The following DMD variants were observed in gnomAD, a reference collection of about 807,000 sequenced individuals.
DMD encodes dystrophin.
In DMD, 63 loss-of-function variants were observed where a neutral mutation model predicts 330.1. The ratio of observed to expected loss-of-function variants is 0.19; its 90% CI spans 0.16 to 0.24. The LOEUF is 0.24. Ranked by LOEUF, DMD falls within the 10% of genes least tolerant of loss-of-function variation. The pLI, the probability that DMD is intolerant of heterozygous loss-of-function variation, is 1.00. For synonymous variants in DMD, 1,223 were observed against 959.8 expected (o/e 1.27, Z -5.07); for missense variants, 3,344 against 2,684.1 (o/e 1.25, Z -5.43).
At chrX:33,064,153 TAAC>T (rs2094615826) in intron 1 of DMD, among the ~76,000 whole-genome samples, 1 of 111,344 alleles carries the variant, frequency 9.0e-6, no homozygotes, top group African/African-American at 3.3e-5. Context: ...CCTGGTGTAA[TAAC>T]AATCCGTTCA....
intron 9 of DMD, among the ~76,000 whole-genome samples, chrX:32,653,735 A>C (rs1328607400): frequency 1.8e-5 from 2 of 111,735 alleles, no homozygotes; most frequent in Admixed American, 9.5e-5. Context: ...TTGAATCTAT[A>C]AATTACCTTG....
intron 12 of DMD, among the ~76,000 whole-genome samples, chrX:32,607,887 G>A (rs761620443): frequency 1.8e-5 from 2 of 110,325 alleles, no homozygotes; most frequent in Admixed American, 9.7e-5. Context: ...CATTTTACAT[G>A]AGACTAACTC....
intron 44 of DMD, among the ~76,000 whole-genome samples, chrX:32,180,774 C>T (rs750975363): frequency 9.0e-6 from 1 of 111,259 alleles, no homozygotes; most frequent in Non-Finnish European, 1.9e-5. Flanking sequence ...AAGAAGTGCC[C>T]AGTGAAGCAG....
chrX:32,730,869 T>G (rs1051009818), intron 7 of DMD, among the ~76,000 whole-genome samples: 3 of 111,731 alleles, frequency 2.7e-5, no homozygotes, highest in Non-Finnish European at 5.6e-5. Context: ...AAATTAAAAC[T>G]TGAAATATTG....
At chrX:32,333,156 ATGTT>A (rs1401428803) in intron 41 of DMD, among the ~76,000 whole-genome samples, 2 of 111,625 alleles carry the variant, frequency 1.8e-5, no homozygotes, top group Non-Finnish European at 1.9e-5. Context: ...TACACGGTAA[ATGTT>A]TATTTAAGAC....
In DMD at chrX:31,786,080, G is replaced by A. The variant is rs956534450; in HGVS notation, c.7310-11888C>T. Among the ~76,000 whole-genome samples the A allele has an allele frequency of 3.6e-5, 4 of 111,899 alleles. No individual in the cohort carries two copies. In the East Asian group the frequency reaches 8.5e-4, roughly 24 times the overall value. ...ACACTCCCACCAACAGTGTAAAAGC[G>A]TTCCTATTTCTCCACATCCTCTCCA... On this transcript the variant is annotated intron_variant, in intron 50 of 78. Coordinates refer to ENST00000357033, the MANE Select transcript of DMD (RefSeq NM_004006.3).
intron 7 of DMD, among the ~76,000 whole-genome samples, chrX:32,794,177 C>G (rs1466034895): frequency 9.0e-6 from 1 of 111,717 alleles, no homozygotes; most frequent in African/African-American, 3.3e-5. Context: ...AACATCCCTT[C>G]GAGATAAAAA....
At chrX:31,890,079 T>C (rs1372022017) in intron 47 of DMD, among the ~76,000 whole-genome samples, 9 of 109,095 alleles carry the variant, frequency 8.2e-5, no homozygotes, top group African/African-American at 3.0e-4. Flanking sequence ...CTTAATAGAA[T>C]TTAAAAAAAA....
In DMD at chrX:32,196,175, AAAT is replaced by A. The variant is rs373404796; in HGVS notation, c.6438+20738_6438+20740del. ...GCTCATTTCCAGTCCTAAACAATAT[AAAT>A]TATAGCCAAGTATGGCATTTAGCCA... On this transcript the variant is annotated intron_variant, in intron 44 of 78. Transcript: ENST00000357033. Among the ~76,000 whole-genome samples the A allele has an allele frequency of 5.2e-3, 583 of 112,746 alleles. 8 individuals carry two copies. Among genetic ancestry groups the A allele is most frequent in the African/African-American group, 0.018 (560 of 31,079 alleles).
intron 43 of DMD, among the ~76,000 whole-genome samples, chrX:32,285,123 G>A (rs927889887): frequency 8.9e-6 from 1 of 112,360 alleles, no homozygotes; most frequent in African/African-American, 3.2e-5. Context: ...AGCAGAAAGC[G>A]TTATTTCTAC....
chrX:31,604,071 G>A (rs923211148), intron 55 of DMD, among the ~76,000 whole-genome samples: 9 of 111,952 alleles, frequency 8.0e-5, no homozygotes, highest in African/African-American at 2.3e-4. Flanking sequence ...GAGAGTTTAA[G>A]AAAGAAGATT....
At position 32,034,864 on chromosome X, in the gene DMD, A is replaced by G. The variant is rs1029772187; in HGVS notation, c.6439-66350T>C. Among the ~76,000 whole-genome samples, 3 of 110,378 alleles carry G rather than the reference A, an allele frequency of 2.7e-5. No individual in the cohort carries two copies. In the Admixed American group the frequency reaches 2.9e-4, roughly 11 times the overall value. On this transcript the variant is annotated intron_variant, in intron 44 of 78. Coordinates refer to ENST00000357033, the MANE Select transcript of DMD (RefSeq NM_004006.3). ...AGAAGCCTAGTAAATAGAACATAAAATAAATATTTAACATCCTTAAATACT... is the reference window on the plus strand; with the variant it reads ...AGAAGCCTAGTAAATAGAACATAAAGTAAATATTTAACATCCTTAAATACT...
chrX:31,305,899 T>C (rs1211582381), intron 62 of DMD, among the ~76,000 whole-genome samples: 1 of 112,419 alleles, frequency 8.9e-6, no homozygotes, highest in Admixed American at 9.4e-5. Context: ...TGTAACACCA[T>C]TGAAAGTGAG....
At chrX:32,205,005 T>TCTCTCTCTCTCTCTCTCTCA (rs60181300) in intron 44 of DMD, among the ~76,000 whole-genome samples, 1 of 29,230 alleles carries the variant, frequency 3.4e-5, no homozygotes, top group African/African-American at 1.1e-4. Flanking sequence ...TCTCTCTCTC[T>TCTCTCTCTCTCTCTCTCTCA]CACATACACA....
intron 44 of DMD, among the ~76,000 whole-genome samples, chrX:32,038,026 T>A (rs1323302883): frequency 2.7e-5 from 3 of 111,840 alleles, no homozygotes; most frequent in African/African-American, 9.8e-5. Context: ...ACATGGTCAT[T>A]TGTTCAATCA....
chrX:32,649,116 T>C (rs1268219138), intron 9 of DMD, among the ~76,000 whole-genome samples: 4 of 110,671 alleles, frequency 3.6e-5, no homozygotes, highest in Non-Finnish European at 7.6e-5. Context: ...GATTCTGTTT[T>C]TGTTTTTTTT....
At chrX:32,575,295 G>A (rs749562145) in intron 13 of DMD, among the ~76,000 whole-genome samples, 2 of 111,648 alleles carry the variant, frequency 1.8e-5, no homozygotes, top group Admixed American at 9.5e-5. Context: ...GTAAACAGAA[G>A]GCAGTCAACA....
chrX:32,701,929 C>A (rs763214072), intron 7 of DMD, among the ~76,000 whole-genome samples: 1 of 111,613 alleles, frequency 9.0e-6, no homozygotes, highest in African/African-American at 3.2e-5. Flanking sequence ...CTTATTTAAC[C>A]AAACTATTGC....
intron 21 of DMD, among the ~76,000 whole-genome samples, chrX:32,476,348 C>A (rs1473468715): frequency 9.0e-6 from 1 of 111,320 alleles, no homozygotes; most frequent in African/African-American, 3.3e-5. Flanking sequence ...TCCTTGCATT[C>A]CAACCCTCAT....
Sources: allele counts gnomAD v4.1 joint callset (sites outside exome capture counted in the v4.1 genomes callset), GRCh38; gene constraint gnomAD v4.1.1; transcripts MANE v1.5; gene names NCBI Gene and HGNC (gene_info 2026-07-23, HGNC 2026-07-21).